SRGAP1: variants seen among roughly 807,000 people sequenced by gnomAD.
The protein encoded by SRGAP1 is SLIT-ROBO Rho GTPase activating protein 1, also known as SLIT-ROBO Rho GTPase-activating protein 1.
SRGAP1 carries 43 observed loss-of-function variants against 121.9 expected under a neutral mutation model. That is an observed-to-expected ratio of 0.35 (90% confidence interval 0.28 to 0.46). The LOEUF is 0.46. SRGAP1 is among the 20% of genes least tolerant of loss of function. SRGAP1 has a pLI of 1.00. For missense variants in SRGAP1, 1,102 were observed against 1,350.9 expected, an observed-to-expected ratio of 0.82 and a Z score of 2.89; for synonymous variants, 447 against 485.4, an observed-to-expected ratio of 0.92 and a Z score of 1.04.
At chr12:63,881,178 A>T (rs1041008057) in intron 1 of SRGAP1, among the ~76,000 whole-genome samples, 16 of 152,234 alleles carry the variant, frequency 1.1e-4, no homozygotes, top group Admixed American at 7.2e-4. Context: ...TTTCTAGAGT[A>T]CACACAATGG....
chr12:63,872,024 G>A (rs1738581553), intron 1 of SRGAP1: 8 of 839,188 alleles, frequency 9.5e-6, no homozygotes, highest in East Asian at 4.9e-5. Context: ...AAGGTTCTTC[G>A]GGTTTAGGTA....
rs552173710 is a variant in SRGAP1, at chr12:63,882,440, C to G, written c.67+37557C>G. Among the ~76,000 whole-genome samples the G allele has an allele frequency of 4.6e-5, 7 of 152,176 alleles. No homozygotes were observed. The South Asian group carries it at 1.5e-3, about 32-fold the overall frequency. On this transcript the variant is annotated intron_variant, in intron 1 of 21. Transcript: ENST00000355086. ...GAGATTACAGGTAACCGCAACCACG[C>G]CTGGCTAAGTTTTTGTATTTTTAGT... is the stretch of plus-strand genomic sequence containing the variant.
intron 1 of SRGAP1, among the ~76,000 whole-genome samples, chr12:63,973,346 A>T (rs560693520): frequency 1.3e-4 from 20 of 152,328 alleles, no homozygotes; most frequent in African/African-American, 4.1e-4. Context: ...ATTGCCGAAC[A>T]TTGTAAGTTT....
chr12:63,976,006 C>T (rs2136397907), intron 1 of SRGAP1, among the ~76,000 whole-genome samples: 1 of 152,226 alleles, frequency 6.6e-6, no homozygotes, highest in East Asian at 1.9e-4. Flanking sequence ...ATTTATTATT[C>T]ATTTGTATTC....
Position 64,097,338 on chromosome 12 carries a change from T to A in SRGAP1, c.1776T>A (p.Phe592Leu). 6.2e-7 allele frequency: 1 copy of A among 1,613,510 alleles called. No homozygotes were observed. The highest frequency in any genetic ancestry group is 8.5e-7 in the Non-Finnish European group (1 of 1,179,900). ...TCCGTGGGCTGGAAAACCCCCTCTT[T>A]CCTAAGGAAAGATTTAACGATCTGA... is the stretch of plus-strand genomic sequence containing the variant. The part of the protein sequence containing the change: ...LYFRGLENPL[F>L]PKERFNDLIS... The change falls in exon 15 of 22, where the codon TTT becomes TTA. Residue 592 changes from phenylalanine to leucine, a missense_variant. Phe to Leu is a conservative substitution (Grantham distance 22, BLOSUM62 0). This residue lies in a region of SRGAP1 where 747 missense variants were observed against 929.4 expected (regional missense o/e 0.80). Transcript: ENST00000355086.
intron 1 of SRGAP1, among the ~76,000 whole-genome samples, chr12:63,903,062 A>ATT (rs929580963): frequency 1.8e-4 from 22 of 121,304 alleles, no homozygotes; most frequent in Admixed American, 1.1e-3. Flanking sequence ...GGATTAAACT[A>ATT]TTATATATAT....
intron 17 of SRGAP1, among the ~76,000 whole-genome samples, chr12:64,115,269 C>G (rs1262724547): frequency 6.6e-6 from 1 of 152,114 alleles, no homozygotes; most frequent in South Asian, 2.1e-4. Flanking sequence ...TAATGCTATC[C>G]ATTTTTTACA....
chr12:63,931,540 G>T (rs1485143171), intron 1 of SRGAP1, among the ~76,000 whole-genome samples: 1 of 152,122 alleles, frequency 6.6e-6, no homozygotes, highest in Non-Finnish European at 1.5e-5. Flanking sequence ...CTGTGTTAAT[G>T]CAAGGAACAA....
intron 1 of SRGAP1, among the ~76,000 whole-genome samples, chr12:63,951,452 C>G (rs1422603150): frequency 2.0e-5 from 3 of 152,186 alleles, no homozygotes; most frequent in Non-Finnish European, 1.5e-5. Context: ...GCATAAGCCA[C>G]TGCACCCGGC....
At chr12:64,062,371 A>T (rs1160586591) in intron 6 of SRGAP1, among the ~76,000 whole-genome samples, 2 of 152,170 alleles carry the variant, frequency 1.3e-5, no homozygotes, top group African/African-American at 4.8e-5. Flanking sequence ...TTCATTGCCC[A>T]TTTTAAAATT....
Position 64,014,748 on chromosome 12 carries a change from C to T in SRGAP1, c.427-2202C>T, listed in dbSNP as rs543822427. ...TTTTCTTGGGTTAACGTTTCTTGAA[C>T]ATAAGGGAATTTGTTGTTGTTGTTG... On this transcript the variant is annotated intron_variant, in intron 3 of 21. Coordinates refer to ENST00000355086, the MANE Select transcript of SRGAP1 (RefSeq NM_020762.4). Among the ~76,000 whole-genome samples, 6 of 143,762 alleles carry T rather than the reference C, an allele frequency of 4.2e-5. No individual in the cohort carries two copies. The South Asian group carries it at 1.4e-3, about 32-fold the overall frequency. 94.3% of individuals were successfully genotyped at this position (143,762 alleles called of 152,430 possible). A position where few individuals can be genotyped will look rare whatever the true frequency, so the allele number is the denominator to read the frequency against.
chr12:64,137,983 A>ATATATATATAT (rs1565697592), intron 21 of SRGAP1, among the ~76,000 whole-genome samples: 10 of 120,674 alleles, frequency 8.3e-5, no homozygotes, highest in African/African-American at 2.6e-4. Flanking sequence ...TATATATATA[A>ATATATATATAT]AAAATAATAA....
At chr12:63,995,064 A>T (rs1295741445) in intron 3 of SRGAP1, among the ~76,000 whole-genome samples, 1 of 152,240 alleles carries the variant, frequency 6.6e-6, no homozygotes, top group East Asian at 1.9e-4. Flanking sequence ...TAATAGAAGT[A>T]TGTAGTTTGG....
chr12:63,846,977 T>C (rs1018072509), intron 1 of SRGAP1, among the ~76,000 whole-genome samples: 11 of 152,186 alleles, frequency 7.2e-5, no homozygotes, highest in Admixed American at 5.9e-4. Flanking sequence ...AAGGACAGCA[T>C]GGGAGACAAG....
chr12:64,014,128 A>G (rs1345975901), intron 3 of SRGAP1, among the ~76,000 whole-genome samples: 1 of 152,240 alleles, frequency 6.6e-6, no homozygotes, highest in African/African-American at 2.4e-5. Context: ...ACCTTATGAG[A>G]TAAGTACAAT....
chr12:64,058,610 T>C (rs1379851593), intron 6 of SRGAP1, among the ~76,000 whole-genome samples: 1 of 152,180 alleles, frequency 6.6e-6, no homozygotes. Flanking sequence ...CATCAGAACA[T>C]TGCTTTGTTT....
intron 2 of SRGAP1, among the ~76,000 whole-genome samples, chr12:63,984,481 A>G (rs113367990): frequency 2.6e-5 from 4 of 152,270 alleles, no homozygotes; most frequent in African/African-American, 9.6e-5. Context: ...GTTTTTGTTC[A>G]AGCAAAGACC....
At chr12:64,110,224 GGCCCCCT>G (rs1333289234) in intron 16 of SRGAP1, among the ~76,000 whole-genome samples, 6 of 152,222 alleles carry the variant, frequency 3.9e-5, no homozygotes, top group Admixed American at 1.3e-4. Context: ...CATTCCTGCT[GGCCCCCT>G]CCATACCATT....
chr12:63,935,804 A>G (rs1332020635), intron 1 of SRGAP1, among the ~76,000 whole-genome samples: 1 of 152,220 alleles, frequency 6.6e-6, no homozygotes, highest in East Asian at 1.9e-4. Flanking sequence ...ATCTACAGAA[A>G]TATGAAGCAG....
Sources: gnomAD v4.1 joint callset for allele counts (sites outside exome capture counted in the v4.1 genomes callset) on GRCh38, gnomAD v4.1.1 for gene constraint, gnomAD v4.1.1 regional missense constraint, MANE v1.5 for transcripts, NCBI Gene and HGNC (gene_info 2026-07-23, HGNC 2026-07-21) for gene names.